PDE1A: variants seen among roughly 807,000 people sequenced by gnomAD.
PDE1A encodes phosphodiesterase 1A, also known as dual specificity calcium/calmodulin-dependent 3',5'-cyclic nucleotide phosphodiesterase 1A.
Under a neutral mutation model 61.7 loss-of-function variants are expected in PDE1A, and 35 were observed. That is an observed-to-expected ratio of 0.57 (90% CI 0.43 to 0.75). The LOEUF is 0.75. Ranked by LOEUF, PDE1A falls within the 30% of genes least tolerant of loss-of-function variation. The probability of loss-of-function intolerance (pLI) is 0.00; values close to 1 mark genes in which losing one functional copy is unlikely to be tolerated. For missense variants in PDE1A, 597 were observed against 630.6 expected, an observed-to-expected ratio of 0.95 and a Z score of 0.57; for synonymous variants, 232 against 213.2, an observed-to-expected ratio of 1.09 and a Z score of -0.77.
chr2:182,325,323 A>G (rs1275978918), intron 1 of PDE1A, among the ~76,000 whole-genome samples: 1 of 152,188 alleles, frequency 6.6e-6, no homozygotes, highest in Non-Finnish European at 1.5e-5. Flanking sequence ...AGTAAAAATG[A>G]ATCAAAGATC....
intron 2 of PDE1A, among the ~76,000 whole-genome samples, chr2:182,249,227 G>A (rs560119219): frequency 9.2e-5 from 14 of 152,322 alleles, no homozygotes; most frequent in African/African-American, 2.2e-4. Context: ...CACCAATAGC[G>A]TCCTGGGTCC....
chr2:182,553,009 A>G, the PDE1A span, among the ~76,000 whole-genome samples: 1 of 151,976 alleles, frequency 6.6e-6, no homozygotes. Flanking sequence ...GCCCATTGCC[A>G]CTCCTGATCT....
At chr2:182,672,064 C>T in the PDE1A span, among the ~76,000 whole-genome samples, 1 of 152,148 alleles carries the variant, frequency 6.6e-6, no homozygotes, top group South Asian at 2.1e-4. Flanking sequence ...ATTTTTCATG[C>T]TAAATAGCAT....
At chr2:182,561,965 A>AT in the PDE1A span, among the ~76,000 whole-genome samples, 1 of 152,016 alleles carries the variant, frequency 6.6e-6, no homozygotes, top group Non-Finnish European at 1.5e-5. Flanking sequence ...GGCTGAGACA[A>AT]TGGTGTTTTC....
intron 2 of PDE1A, among the ~76,000 whole-genome samples, chr2:182,474,971 TG>T (rs1359345483): frequency 6.6e-6 from 1 of 151,984 alleles, no homozygotes; most frequent in Non-Finnish European, 1.5e-5. Flanking sequence ...GGATCATGTC[TG>T]AGAGAAAAGA....
At chr2:182,234,994 T>C (rs1001607973) in intron 3 of PDE1A, among the ~76,000 whole-genome samples, 3 of 152,240 alleles carry the variant, frequency 2.0e-5, no homozygotes, top group Non-Finnish European at 2.9e-5. Context: ...TATTTAATGA[T>C]ATTGGGGAAA....
chr2:182,165,205 C>T (rs1691592926), downstream of PDE1A, among the ~76,000 whole-genome samples: 1 of 152,082 alleles, frequency 6.6e-6, no homozygotes, highest in Non-Finnish European at 1.5e-5. Context: ...AACTACTTAT[C>T]ATCACCTCTA....
chr2:182,654,030 T>C, the PDE1A span, among the ~76,000 whole-genome samples: 1 of 152,166 alleles, frequency 6.6e-6, no homozygotes, highest in African/African-American at 2.4e-5. Context: ...ACAGACTATA[T>C]TTTTATAGAC....
intron 2 of PDE1A, among the ~76,000 whole-genome samples, chr2:182,487,902 A>G (rs1217969536): frequency 6.6e-6 from 1 of 152,206 alleles, no homozygotes; most frequent in Non-Finnish European, 1.5e-5. Context: ...AGAAAGACTC[A>G]TGCATAATAT....
the PDE1A span, among the ~76,000 whole-genome samples, chr2:182,602,908 T>C: frequency 1.3e-5 from 2 of 152,202 alleles, no homozygotes; most frequent in African/African-American, 2.4e-5. Context: ...ACATTAAATG[T>C]AAGAATACAA....
At chr2:182,564,218 C>T in the PDE1A span, among the ~76,000 whole-genome samples, 2,085 of 151,994 alleles carry the variant, frequency 0.014, 45 homozygotes, top group African/African-American at 0.047. Context: ...ATGTTTAGTG[C>T]TTCCTTCAGG....
chr2:182,682,031 A>G, the PDE1A span, among the ~76,000 whole-genome samples: 1 of 152,064 alleles, frequency 6.6e-6, no homozygotes, highest in African/African-American at 2.4e-5. Flanking sequence ...CATTTCTTCT[A>G]TTTCTTGAGA....
At chr2:182,688,537 A>G in the PDE1A span, among the ~76,000 whole-genome samples, 1 of 152,232 alleles carries the variant, frequency 6.6e-6, no homozygotes, top group African/African-American at 2.4e-5. Context: ...AGCACTAAAC[A>G]TGGAAAGGAA....
At chr2:182,560,357 T>A in the PDE1A span, among the ~76,000 whole-genome samples, 1 of 151,638 alleles carries the variant, frequency 6.6e-6, no homozygotes, top group East Asian at 1.9e-4. Context: ...AATGATGATT[T>A]CCAGTTTCAT....
At chr2:182,168,255 G>T in exon 14 of PDE1A, 2 of 1,588,546 alleles carry the variant, frequency 1.3e-6, no homozygotes, top group African/African-American at 1.4e-5. Flanking sequence ...GTTTACTGAT[G>T]AATAAACTCA....
chr2:182,429,293 T>G (rs78090647), upstream of PDE1A, among the ~76,000 whole-genome samples: 1,792 of 152,224 alleles, frequency 0.012, 40 homozygotes, highest in African/African-American at 0.041. Flanking sequence ...TATTCAACTT[T>G]AATGTAGTAT....
chr2:182,487,270 T>C (rs1274680348), intron 2 of PDE1A, among the ~76,000 whole-genome samples: 2 of 152,240 alleles, frequency 1.3e-5, no homozygotes, highest in South Asian at 2.1e-4. Flanking sequence ...CCGTACCAGG[T>C]GCCAGCGAGA....
At chr2:182,278,582 G>A (rs1483571400) in intron 1 of PDE1A, among the ~76,000 whole-genome samples, 2 of 151,834 alleles carry the variant, frequency 1.3e-5, no homozygotes, top group African/African-American at 4.8e-5. Context: ...GTGTATAGTG[G>A]TAAATAGAAA....
At chr2:182,271,447 C>T (rs1313221459) in intron 1 of PDE1A, among the ~76,000 whole-genome samples, 3 of 151,950 alleles carry the variant, frequency 2.0e-5, no homozygotes, top group Non-Finnish European at 4.4e-5. Flanking sequence ...TTCTCTCTTC[C>T]CCAAAAGTCA....
Sources: gnomAD v4.1 joint callset for allele counts (sites outside exome capture counted in the v4.1 genomes callset) on GRCh38, gnomAD v4.1.1 for gene constraint, MANE v1.5 for transcripts, NCBI Gene and HGNC (gene_info 2026-07-23, HGNC 2026-07-21) for gene names.